Variants in ALCAM observed in about 807,000 individuals in gnomAD.
ALCAM encodes activated leukocyte cell adhesion molecule.
ALCAM carries 30 observed loss-of-function variants against 70.9 expected under a neutral mutation model. The observed-to-expected ratio is 0.42, with a 90% CI of 0.32 to 0.57. The LOEUF is 0.57. ALCAM is among the 20% of genes least tolerant of loss of function. The pLI is 0.11. For synonymous variants in ALCAM, 249 were observed against 242.5 expected, an observed-to-expected ratio of 1.03 and a Z score of -0.25; for missense variants, 591 against 695.1, an observed-to-expected ratio of 0.85 and a Z score of 1.68.
chr3:105,566,261 A>G (rs1017403644), intron 14 of ALCAM, among the ~76,000 whole-genome samples: 1 of 152,168 alleles, frequency 6.6e-6, no homozygotes, highest in Non-Finnish European at 1.5e-5. Flanking sequence ...TACATATTAA[A>G]TGTTGGTACA....
intron 1 of ALCAM, among the ~76,000 whole-genome samples, chr3:105,384,592 C>G (rs1051337924): frequency 6.6e-6 from 1 of 151,430 alleles, no homozygotes; most frequent in Non-Finnish European, 1.5e-5. Flanking sequence ...GAATTCTTGC[C>G]CAGAAATTCT....
intron 1 of ALCAM, among the ~76,000 whole-genome samples, chr3:105,476,229 C>G (rs1161407945): frequency 9.2e-5 from 14 of 152,036 alleles, no homozygotes; most frequent in Admixed American, 9.2e-4. Context: ...CTTTGCTGCT[C>G]ACTCATCTAC....
chr3:105,516,435 T>C (rs781180683), intron 1 of ALCAM, among the ~76,000 whole-genome samples: 4 of 152,054 alleles, frequency 2.6e-5, no homozygotes, highest in Non-Finnish European at 5.9e-5. Context: ...TATTTTATCG[T>C]CACTTGCCTG....
intron 1 of ALCAM, among the ~76,000 whole-genome samples, chr3:105,518,987 T>G (rs372537929): frequency 6.6e-6 from 1 of 152,124 alleles, no homozygotes; most frequent in Admixed American, 6.5e-5. Flanking sequence ...GTTTTATTTA[T>G]GTGTTGCAGA....
chr3:105,378,701 C>G (rs899752795), intron 1 of ALCAM, among the ~76,000 whole-genome samples: 22 of 150,594 alleles, frequency 1.5e-4, no homozygotes, highest in African/African-American at 5.4e-4. Context: ...ACTAGAATGG[C>G]AAATACGTAT....
intron 14 of ALCAM, among the ~76,000 whole-genome samples, chr3:105,557,108 C>A (rs7633779): frequency 0.083 from 12,616 of 152,006 alleles, 663 homozygotes; most frequent in Non-Finnish European, 0.12. Flanking sequence ...TTAGCTCTGA[C>A]TTTGATTGGC....
At chr3:105,443,958 A>G (rs1937237892) in intron 1 of ALCAM, among the ~76,000 whole-genome samples, 1 of 152,232 alleles carries the variant, frequency 6.6e-6, no homozygotes, top group Non-Finnish European at 1.5e-5. Flanking sequence ...AAGAAATTCT[A>G]GGGTAATTTT....
intron 1 of ALCAM, among the ~76,000 whole-genome samples, chr3:105,485,365 C>T (rs547505746): frequency 6.9e-6 from 1 of 144,552 alleles, no homozygotes; most frequent in South Asian, 2.2e-4. Context: ...AGATTCCAGA[C>T]AGAACTACAT....
Position 105,546,997 on chromosome 3 carries a change from G to A in ALCAM, c.1105-152G>A, listed in dbSNP as rs182469531. 1.4e-3 allele frequency: 767 copies of A among 542,922 alleles called. 5 individuals are homozygous for A. The highest frequency in any genetic ancestry group is 0.014 in the African/African-American group (704 of 50,646). 33.6% of individuals were successfully genotyped at this position (542,922 alleles called of 1,614,324 possible). The stretch of plus-strand genomic sequence containing the variant: ...GACTCTAAAACAACAAAAGAAAAAG[G>A]AAATCTATTTTGAAAGCATCTGAAG... On this transcript the variant is annotated intron_variant, in intron 9 of 15. Coordinates refer to ENST00000306107, the MANE Select transcript of ALCAM (RefSeq NM_001627.4).
intron 1 of ALCAM, among the ~76,000 whole-genome samples, chr3:105,426,874 CT>C (rs1337173346): frequency 6.6e-6 from 1 of 151,858 alleles, no homozygotes; most frequent in Non-Finnish European, 1.5e-5. Context: ...AATTTTTAAA[CT>C]TATTTTCAAT....
chr3:105,513,774 A>G (rs1054787760), intron 1 of ALCAM, among the ~76,000 whole-genome samples: 7 of 151,992 alleles, frequency 4.6e-5, no homozygotes, highest in Non-Finnish European at 1.0e-4. Context: ...GCTAGTGTTG[A>G]TGCTGAAAGT....
At chr3:105,465,087 T>C (rs1327018473) in intron 1 of ALCAM, among the ~76,000 whole-genome samples, 1 of 151,442 alleles carries the variant, frequency 6.6e-6, no homozygotes, top group Non-Finnish European at 1.5e-5. Context: ...TAGTATCACT[T>C]AGAAGTTAGA....
At chr3:105,523,905 C>G (rs1049652897) in intron 2 of ALCAM, among the ~76,000 whole-genome samples, 2 of 152,056 alleles carry the variant, frequency 1.3e-5, no homozygotes, top group Non-Finnish European at 2.9e-5. Flanking sequence ...ATATCCAAAC[C>G]AGTATTTGCA....
chr3:105,388,300 T>C (rs1030006453), intron 1 of ALCAM, among the ~76,000 whole-genome samples: 15 of 151,588 alleles, frequency 9.9e-5, no homozygotes, highest in Non-Finnish European at 2.1e-4. Flanking sequence ...TTAATAGCTG[T>C]GATGAGAACA....
At chr3:105,540,180 G>T in intron 7 of ALCAM, 78 bp downstream of exon 7, 1 of 1,391,320 alleles carries the variant, frequency 7.2e-7, no homozygotes, top group South Asian at 1.5e-5. Context: ...TAGATTAAGT[G>T]AGAAAAAATG....
At chr3:105,412,534 GT>G (rs1936415625) in intron 1 of ALCAM, among the ~76,000 whole-genome samples, 1 of 152,036 alleles carries the variant, frequency 6.6e-6, no homozygotes, top group South Asian at 2.1e-4. Context: ...TATTAATCTT[GT>G]ATTTGCACTT....
intron 5 of ALCAM, 88 bp from the exon 6 acceptor site, chr3:105,534,575 A>C: frequency 1.5e-6 from 2 of 1,311,944 alleles, no homozygotes; most frequent in Admixed American, 1.7e-5. Flanking sequence ...AGGAAAAAAA[A>C]CACTTCTCAA....
chr3:105,547,047 T>C, intron 9 of ALCAM, 102 bp from the exon 10 acceptor site: 1 of 991,766 alleles, frequency 1.0e-6, no homozygotes, highest in Non-Finnish European at 1.4e-6. Context: ...TTTGCATTTA[T>C]ATTATTCCCA....
chr3:105,518,716 A>G (rs557037659), intron 1 of ALCAM, among the ~76,000 whole-genome samples: 20 of 152,126 alleles, frequency 1.3e-4, no homozygotes, highest in Non-Finnish European at 2.5e-4. Flanking sequence ...AGCAATTTGA[A>G]GTAAACCTCA....
Sources: gnomAD v4.1 joint callset for allele counts (sites outside exome capture counted in the v4.1 genomes callset) on GRCh38, gnomAD v4.1.1 for gene constraint, MANE v1.5 for transcripts, NCBI Gene and HGNC (gene_info 2026-07-23, HGNC 2026-07-21) for gene names.